XPR1: variants seen among roughly 807,000 people sequenced by gnomAD.
The protein encoded by XPR1 is solute carrier family 53 member 1.
Under a neutral mutation model 87.5 loss-of-function variants are expected in XPR1, and 28 were observed. That is an observed-to-expected ratio of 0.32 (90% CI 0.24 to 0.44). The LOEUF (loss-of-function observed/expected upper bound fraction) is 0.44, where lower values mean the gene tolerates loss of function less well. Among genes scored for constraint, XPR1 ranks in the 20% least tolerant of loss-of-function variants. The probability of loss-of-function intolerance (pLI) is 1.00; values close to 1 mark genes in which losing one functional copy is unlikely to be tolerated. For missense variants in XPR1, 559 were observed against 862.3 expected (o/e 0.65, Z 4.41); for synonymous variants, 300 against 306.1 (o/e 0.98, Z 0.21).
intron 1 of XPR1, among the ~76,000 whole-genome samples, chr1:180,646,167 C>T (rs1655113834): frequency 1.3e-5 from 2 of 152,180 alleles, no homozygotes; most frequent in Admixed American, 1.3e-4. Context: ...ATCCATTTGT[C>T]TAGTTACAGT....
intron 2 of XPR1, among the ~76,000 whole-genome samples, chr1:180,781,743 T>C (rs1017144414): frequency 1.3e-5 from 2 of 151,948 alleles, no homozygotes; most frequent in African/African-American, 4.8e-5. Context: ...TATGTATACA[T>C]GTGCCATGTT....
At chr1:180,697,142 G>C (rs1411145475) in intron 2 of XPR1, among the ~76,000 whole-genome samples, 1 of 152,084 alleles carries the variant, frequency 6.6e-6, no homozygotes, top group Non-Finnish European at 1.5e-5. Flanking sequence ...TTTTATTACT[G>C]ATTCAGTCTT....
At chr1:180,689,931 A>G (rs1322014596) in intron 2 of XPR1, among the ~76,000 whole-genome samples, 3 of 152,136 alleles carry the variant, frequency 2.0e-5, no homozygotes, top group Non-Finnish European at 4.4e-5. Flanking sequence ...CAAGGCTGGC[A>G]TATTACTTGA....
At chr1:180,676,844 T>A (rs909107518) in intron 1 of XPR1, among the ~76,000 whole-genome samples, 2 of 152,234 alleles carry the variant, frequency 1.3e-5, no homozygotes, top group Admixed American at 1.3e-4. Flanking sequence ...AATGTGATCT[T>A]AGAAAATGTA....
At chr1:180,653,732 T>G (rs1240391611) in intron 1 of XPR1, among the ~76,000 whole-genome samples, 2 of 152,208 alleles carry the variant, frequency 1.3e-5, no homozygotes, top group Non-Finnish European at 2.9e-5. Context: ...TCATCACTCT[T>G]GTACTTTGAG....
chr1:180,655,229 T>C (rs1655414443), intron 1 of XPR1, among the ~76,000 whole-genome samples: 1 of 152,162 alleles, frequency 6.6e-6, no homozygotes, highest in Non-Finnish European at 1.5e-5. Context: ...ATTGGAGAAA[T>C]ATCTGTTCAA....
At chr1:180,880,967 T>A (rs1488556339) in intron 14 of XPR1, among the ~76,000 whole-genome samples, 2 of 152,120 alleles carry the variant, frequency 1.3e-5, no homozygotes, top group African/African-American at 2.4e-5. Context: ...AGGCTTAGGT[T>A]GAGGATGAAC....
chr1:180,762,324 C>G (rs1234607986), intron 2 of XPR1, among the ~76,000 whole-genome samples: 2 of 151,952 alleles, frequency 1.3e-5, no homozygotes, highest in African/African-American at 4.8e-5. Context: ...GTATATTTTA[C>G]CTCAATAAAA....
At chr1:180,725,675 A>T (rs142031167) in intron 2 of XPR1, among the ~76,000 whole-genome samples, 14 of 152,374 alleles carry the variant, frequency 9.2e-5, no homozygotes, top group Non-Finnish European at 1.6e-4. Context: ...CCGAAGTCTC[A>T]TTGAACTTAC....
intron 7 of XPR1, among the ~76,000 whole-genome samples, chr1:180,820,742 T>G (rs193218570): frequency 1.3e-5 from 2 of 152,342 alleles, no homozygotes; most frequent in Admixed American, 1.3e-4. Context: ...TGTTTTTGTT[T>G]TCTTCATTAT....
intron 9 of XPR1, among the ~76,000 whole-genome samples, chr1:180,827,177 AG>A (rs1553252028): frequency 1.5e-5 from 2 of 136,756 alleles, no homozygotes; most frequent in Admixed American, 7.4e-5. Context: ...AAAAAAAAAA[AG>A]GGGGTCTCCT....
chr1:180,809,143 G>C (rs527757942), intron 6 of XPR1, among the ~76,000 whole-genome samples: 91 of 152,030 alleles, frequency 6.0e-4, no homozygotes, highest in African/African-American at 2.1e-3. Context: ...TATGTGGAGA[G>C]AAAGCAGAAA....
At chr1:180,845,087 A>G (rs566277272) in intron 11 of XPR1, among the ~76,000 whole-genome samples, 3 of 152,354 alleles carry the variant, frequency 2.0e-5, no homozygotes, top group South Asian at 4.1e-4. Flanking sequence ...ATTTTGTAGA[A>G]TAAACATAAC....
Sources: gnomAD v4.1 joint callset for allele counts (sites outside exome capture counted in the v4.1 genomes callset) on GRCh38, gnomAD v4.1.1 for gene constraint, MANE v1.5 for transcripts, NCBI Gene and HGNC (gene_info 2026-07-23, HGNC 2026-07-21) for gene names.